Variants in FHIT observed in about 807,000 individuals in gnomAD.
The protein encoded by FHIT is fragile histidine triad diadenosine triphosphatase.
In FHIT, 19 loss-of-function variants were observed where a neutral mutation model predicts 17.9. The ratio of observed to expected loss-of-function variants is 1.06; its 90% CI spans 0.74 to 1.56. The LOEUF is 1.56. Ranked by LOEUF, FHIT falls within the 40% of genes most tolerant of loss-of-function variation. The pLI, the probability that FHIT is intolerant of heterozygous loss-of-function variation, is 0.00. For synonymous variants in FHIT, 81 were observed against 69.7 expected (o/e 1.16, Z -0.81); for missense variants, 248 against 189.2 (o/e 1.31, Z -1.82).
chr3:61,054,690 G>C (rs1487449808), intron 2 of FHIT, among the ~76,000 whole-genome samples: 1 of 152,128 alleles, frequency 6.6e-6, no homozygotes, highest in Non-Finnish European at 1.5e-5. Flanking sequence ...GCCAGATCTA[G>C]ACATTTCTAC....
chr3:60,678,238 T>C (rs1485117573), intron 4 of FHIT, among the ~76,000 whole-genome samples: 2 of 152,208 alleles, frequency 1.3e-5, no homozygotes, highest in African/African-American at 4.8e-5. Flanking sequence ...TTTCTGGTTA[T>C]TAAAAGAAGA....
chr3:60,164,450 C>G (rs1404791489), intron 5 of FHIT, among the ~76,000 whole-genome samples: 1 of 152,232 alleles, frequency 6.6e-6, no homozygotes, highest in Non-Finnish European at 1.5e-5. Context: ...CCCAGCTGCA[C>G]CATCCCACGT....
At chr3:60,650,900 C>CA (rs1231495370) in intron 4 of FHIT, among the ~76,000 whole-genome samples, 1 of 152,012 alleles carries the variant, frequency 6.6e-6, no homozygotes, top group Non-Finnish European at 1.5e-5. Flanking sequence ...ATTCAGCCAA[C>CA]AAAAAAACCA....
At chr3:60,890,336 T>A (rs1705450706) in intron 3 of FHIT, among the ~76,000 whole-genome samples, 1 of 151,784 alleles carries the variant, frequency 6.6e-6, no homozygotes, top group African/African-American at 2.4e-5. Context: ...AGTGAATCCG[T>A]TGATCTTCCA....
intron 4 of FHIT, among the ~76,000 whole-genome samples, chr3:60,563,453 T>C (rs2037024845): frequency 6.6e-6 from 1 of 152,192 alleles, no homozygotes; most frequent in Non-Finnish European, 1.5e-5. Flanking sequence ...TCTCTCACTT[T>C]AAATCAAAAA....
chr3:61,002,727 C>A (rs567839027), intron 3 of FHIT, among the ~76,000 whole-genome samples: 1 of 151,940 alleles, frequency 6.6e-6, no homozygotes, highest in African/African-American at 2.4e-5. Flanking sequence ...GGTAAGAAAT[C>A]GTAATAAAAT....
intron 8 of FHIT, 144 bp from the exon 9 acceptor site, chr3:59,752,465 CT>C (rs1459774556): frequency 3.4e-6 from 2 of 592,000 alleles, no homozygotes; most frequent in Non-Finnish European, 6.0e-6. Flanking sequence ...GTTGCTACAA[CT>C]TGCAAATAGG....
At chr3:60,028,678 T>C (rs77586239) in intron 5 of FHIT, among the ~76,000 whole-genome samples, 1 of 152,080 alleles carries the variant, frequency 6.6e-6, no homozygotes, top group Admixed American at 6.5e-5. Flanking sequence ...TTGAATCAAA[T>C]GTAAATAAAA....
At chr3:60,554,290 T>G (rs965644447) in intron 4 of FHIT, among the ~76,000 whole-genome samples, 1 of 151,680 alleles carries the variant, frequency 6.6e-6, no homozygotes, top group Non-Finnish European at 1.5e-5. Flanking sequence ...ATGTTTTTCA[T>G]GTGGACTGTA....
At chr3:60,799,360 G>C (rs1255857879) in intron 4 of FHIT, among the ~76,000 whole-genome samples, 1 of 152,180 alleles carries the variant, frequency 6.6e-6, no homozygotes, top group African/African-American at 2.4e-5. Flanking sequence ...TTTTAGTAGA[G>C]ACAGGGTTTC....
At chr3:60,446,310 T>A (rs2107350731) in intron 5 of FHIT, among the ~76,000 whole-genome samples, 1 of 152,272 alleles carries the variant, frequency 6.6e-6, no homozygotes, top group East Asian at 1.9e-4. Context: ...AATGCAGAAT[T>A]ATAGAGACTC....
intron 2 of FHIT, among the ~76,000 whole-genome samples, chr3:61,157,168 T>C (rs2037556076): frequency 1.3e-5 from 2 of 152,170 alleles, no homozygotes; most frequent in East Asian, 3.8e-4. Context: ...GAGTTGTCCA[T>C]ATGTTGTAAG....
intron 5 of FHIT, among the ~76,000 whole-genome samples, chr3:60,364,072 C>A (rs1700013235): frequency 6.6e-6 from 1 of 152,218 alleles, no homozygotes. Context: ...CAGCCCACAA[C>A]TTTGTAAACA....
At chr3:59,983,769 G>A (rs1324782274) in intron 7 of FHIT, among the ~76,000 whole-genome samples, 1 of 152,076 alleles carries the variant, frequency 6.6e-6, no homozygotes, top group Non-Finnish European at 1.5e-5. Flanking sequence ...AAGAATGAGA[G>A]GATTGCCCCA....
intron 5 of FHIT, among the ~76,000 whole-genome samples, chr3:60,215,849 A>G (rs1448863043): frequency 1.3e-5 from 2 of 152,190 alleles, no homozygotes; most frequent in Non-Finnish European, 2.9e-5. Context: ...AATCTATGAG[A>G]GAACACTTAA....
intron 8 of FHIT, among the ~76,000 whole-genome samples, chr3:59,830,117 T>C (rs1701115884): frequency 6.6e-6 from 1 of 152,014 alleles, no homozygotes; most frequent in Admixed American, 6.6e-5. Flanking sequence ...AAGTTTACAT[T>C]AGTGGCAAAT....
At chr3:60,650,927 AT>A (rs1553688118) in intron 4 of FHIT, among the ~76,000 whole-genome samples, 1 of 152,184 alleles carries the variant, frequency 6.6e-6, no homozygotes, top group East Asian at 1.9e-4. Flanking sequence ...AAATGTTAGT[AT>A]AGTTCCTTCT....
chr3:61,123,946 AAGCATCT>A (rs779830614), intron 2 of FHIT, among the ~76,000 whole-genome samples: 15 of 152,184 alleles, frequency 9.9e-5, no homozygotes, highest in Admixed American at 4.6e-4. Context: ...ATAGTATCAA[AAGCATCT>A]AGTCTCTTCT....
At chr3:60,745,503 G>T (rs182674440) in intron 4 of FHIT, among the ~76,000 whole-genome samples, 17 of 152,242 alleles carry the variant, frequency 1.1e-4, no homozygotes, top group African/African-American at 4.1e-4. Flanking sequence ...TTTAAGCAGG[G>T]TATAATGGTG....
Sources: gnomAD v4.1 joint callset for allele counts (sites outside exome capture counted in the v4.1 genomes callset) on GRCh38, gnomAD v4.1.1 for gene constraint, MANE v1.5 for transcripts, NCBI Gene and HGNC (gene_info 2026-07-23, HGNC 2026-07-21) for gene names.